FGF14: variants seen among roughly 807,000 people sequenced by gnomAD.
FGF14 encodes fibroblast growth factor 14, also known as fibroblast growth factor homologous factor 4.
FGF14 carries 5 observed loss-of-function variants against 25.5 expected under a neutral mutation model. That is an observed-to-expected ratio of 0.20 (90% CI 0.10 to 0.41). The LOEUF is 0.41. FGF14 is among the 10% of genes least tolerant of loss of function. The pLI is 1.00. For synonymous variants in FGF14, 138 were observed against 118.3 expected (o/e 1.17, Z -1.08); for missense variants, 222 against 320.1 (o/e 0.69, Z 2.34).
At chr13:102,042,320 A>T (rs184362915) in intron 1 of FGF14, among the ~76,000 whole-genome samples, 1 of 152,312 alleles carries the variant, frequency 6.6e-6, no homozygotes, top group Non-Finnish European at 1.5e-5. Context: ...ATTATCAATA[A>T]ATTAGTACAA....
chr13:101,825,690 C>G (rs975173700), intron 3 of FGF14, among the ~76,000 whole-genome samples: 3 of 152,026 alleles, frequency 2.0e-5, no homozygotes, highest in African/African-American at 7.2e-5. Context: ...AAAATAAAAT[C>G]TAAATAAATA....
At chr13:102,321,288 T>C (rs2056234166) in intron 1 of FGF14, among the ~76,000 whole-genome samples, 1 of 152,192 alleles carries the variant, frequency 6.6e-6, no homozygotes, top group Non-Finnish European at 1.5e-5. Flanking sequence ...ATTTCCATGG[T>C]AGTCGATAAA....
chr13:102,313,645 G>GTTTTAATAGA (rs2055883057), intron 1 of FGF14, among the ~76,000 whole-genome samples: 1 of 152,124 alleles, frequency 6.6e-6, no homozygotes, highest in Admixed American at 6.5e-5. Flanking sequence ...CACATTGTTG[G>GTTTTAATAGA]TTTTAATAGA....
chr13:102,105,563 G>C (rs2044866914), intron 1 of FGF14, among the ~76,000 whole-genome samples: 1 of 152,146 alleles, frequency 6.6e-6, no homozygotes, highest in Non-Finnish European at 1.5e-5. Flanking sequence ...CTTCAATGGA[G>C]AGTTTTCTGC....
At chr13:102,246,144 T>A (rs535186092) in intron 1 of FGF14, among the ~76,000 whole-genome samples, 1 of 152,200 alleles carries the variant, frequency 6.6e-6, no homozygotes, top group South Asian at 2.1e-4. Flanking sequence ...CACTGCGAGA[T>A]ACATTCACAG....
chr13:101,851,593 C>T (rs1173150021), intron 3 of FGF14, among the ~76,000 whole-genome samples: 4 of 152,076 alleles, frequency 2.6e-5, no homozygotes, highest in Non-Finnish European at 4.4e-5. Flanking sequence ...GAGGTTTAAA[C>T]AAGGCGATTC....
intron 1 of FGF14, among the ~76,000 whole-genome samples, chr13:102,174,135 CTTTT>C (rs35882587): frequency 1.5e-5 from 2 of 129,408 alleles, no homozygotes; most frequent in Admixed American, 7.8e-5. Flanking sequence ...ATCAGCATTT[CTTTT>C]TTTTTTTTTT....
At chr13:101,826,704 A>G (rs2042408344) in intron 3 of FGF14, among the ~76,000 whole-genome samples, 1 of 152,076 alleles carries the variant, frequency 6.6e-6, no homozygotes, top group Admixed American at 6.6e-5. Context: ...GAGCTGGATA[A>G]TTGATATCAC....
intron 1 of FGF14, among the ~76,000 whole-genome samples, chr13:101,999,764 A>G (rs1465236746): frequency 6.6e-6 from 1 of 152,108 alleles, no homozygotes; most frequent in African/African-American, 2.4e-5. Context: ...ATGTGAGGTA[A>G]TGGATCCCAT....
intron 1 of FGF14, among the ~76,000 whole-genome samples, chr13:102,268,710 A>T (rs1566882334): frequency 6.6e-6 from 1 of 152,160 alleles, no homozygotes; most frequent in Non-Finnish European, 1.5e-5. Context: ...TACAGATGTT[A>T]CCTGGAAATT....
At chr13:101,863,249 G>C (rs2044518203) in intron 3 of FGF14, among the ~76,000 whole-genome samples, 1 of 151,980 alleles carries the variant, frequency 6.6e-6, no homozygotes, top group African/African-American at 2.4e-5. Context: ...ATTCTTAAAG[G>C]GGCACCTGTG....
chr13:102,120,197 CA>C (rs776323273), intron 1 of FGF14, among the ~76,000 whole-genome samples: 7 of 152,046 alleles, frequency 4.6e-5, no homozygotes, highest in Admixed American at 6.5e-5. Context: ...TGGAAAACTG[CA>C]AAGGCAGACA....
intron 1 of FGF14, among the ~76,000 whole-genome samples, chr13:102,110,693 C>G (rs940542767): frequency 6.6e-6 from 1 of 152,100 alleles, no homozygotes; most frequent in South Asian, 2.1e-4. Flanking sequence ...ACGCCTGTTA[C>G]GTGATCCTCA....
At chr13:101,767,093 C>T (rs1208026167) in intron 3 of FGF14, among the ~76,000 whole-genome samples, 1 of 152,174 alleles carries the variant, frequency 6.6e-6, no homozygotes, top group African/African-American at 2.4e-5. Context: ...AATAAAAGCT[C>T]TCCTCAAAGA....
At position 102,089,025 on chromosome 13, in the gene FGF14, A is replaced by G. The variant is rs372612504; in HGVS notation, c.209-213729T>C. 1.1e-4 allele frequency among the ~76,000 whole-genome samples: 17 copies of G among 152,198 alleles called. No individual in the cohort carries two copies. The East Asian group carries it at 2.3e-3, about 21-fold the overall frequency. On this transcript the variant is annotated intron_variant, in intron 1 of 4. Transcript: ENST00000376131. ...GTCAAATCCTTTCTGGTTCAACTTT[A>G]CCTGTTGAAAATACTTCTAAAACCC... is the stretch of plus-strand genomic sequence containing the variant.
At chr13:102,137,467 A>G (rs990100362) in intron 1 of FGF14, among the ~76,000 whole-genome samples, 1 of 152,180 alleles carries the variant, frequency 6.6e-6, no homozygotes, top group African/African-American at 2.4e-5. Flanking sequence ...CATATGCCTG[A>G]TGTGTCCCAA....
At chr13:101,953,548 G>GTATA (rs199855884) in intron 1 of FGF14, among the ~76,000 whole-genome samples, 3 of 148,506 alleles carry the variant, frequency 2.0e-5, no homozygotes, top group Admixed American at 6.7e-5. Flanking sequence ...TTCTGTATGT[G>GTATA]TATATATATA....
intron 1 of FGF14, among the ~76,000 whole-genome samples, chr13:102,222,876 T>C (rs1417528018): frequency 6.6e-6 from 1 of 152,168 alleles, no homozygotes; most frequent in African/African-American, 2.4e-5. Flanking sequence ...GCTGATTACA[T>C]ACCAAAATCC....
chr13:102,026,540 T>A (rs866399129), intron 1 of FGF14, among the ~76,000 whole-genome samples: 25 of 152,022 alleles, frequency 1.6e-4, no homozygotes, highest in African/African-American at 5.8e-4. Context: ...TTTAAAAAAA[T>A]TTGCTATCTT....
Sources: allele counts gnomAD v4.1 joint callset (sites outside exome capture counted in the v4.1 genomes callset), GRCh38; gene constraint gnomAD v4.1.1; transcripts MANE v1.5; gene names NCBI Gene and HGNC (gene_info 2026-07-23, HGNC 2026-07-21).